The following TTLL4 variants were observed in gnomAD, a reference collection of about 807,000 sequenced individuals.
TTLL4 encodes tubulin monoglutamylase TTLL4.
Under a neutral mutation model 122.7 loss-of-function variants are expected in TTLL4, and 85 were observed. The ratio of observed to expected loss-of-function variants is 0.69; its 90% CI spans 0.58 to 0.83. The LOEUF (loss-of-function observed/expected upper bound fraction) is 0.83, where lower values mean the gene tolerates loss of function less well. Among genes scored for constraint, TTLL4 ranks in the 40% least tolerant of loss-of-function variants. The pLI, the probability that TTLL4 is intolerant of heterozygous loss-of-function variation, is 0.00. For missense variants in TTLL4, 1,363 were observed against 1,488.6 expected (o/e 0.92, Z 1.39); for synonymous variants, 553 against 563.0 (o/e 0.98, Z 0.25).
chr2:218,747,455 G>GTTCTCCCA lies in TTLL4; in HGVS notation c.2249+84_2249+91dup, dbSNP rs1942876670. 6.3e-7 allele frequency: 1 copy of GTTCTCCCA among 1,575,742 alleles called. No homozygotes were observed. The highest frequency in any genetic ancestry group is 1.8e-5 in the Admixed American group (1 of 55,822). On this transcript the variant is annotated intron_variant, in intron 10 of 19. Transcript: ENST00000392102. This position sits in a 1 kb window ranked among gnomAD's most constrained non-coding sequence, Gnocchi z 4.7. Reference sequence around the variant, plus strand: ...CCCTTCTTACAATGTTCTGCCCTTTGTTCTCCCAGCCAAAGAGCTTCCTTA... The same window carrying GTTCTCCCA: ...CCCTTCTTACAATGTTCTGCCCTTTGTTCTCCCATTCTCCCAGCCAAAGAGCTTCCTTA...
Position 218,738,694 on chromosome 2 carries a change from G to T in TTLL4, c.1018G>T (p.Val340Leu), listed in dbSNP as rs143880351. 19 of 1,614,122 alleles carry T rather than the reference G, an allele frequency of 1.2e-5. No homozygotes were observed. In the African/African-American group the frequency reaches 2.4e-4, roughly 20 times the overall value. The part of the protein sequence containing the change: ...PTKEIRFTEA[V>L]RKLTARGFEK... ...TAAGGAGATTCGGTTCACTGAGGCC[G>T]TGAGGAAATTGACCGCAAGAGGCTT... The change falls in exon 3 of 20, where the codon GTG becomes TTG. Residue 340 changes from valine to leucine, a missense_variant. By Grantham distance (32) the Val-to-Leu change is conservative. Transcript: ENST00000392102.
intron 1 of TTLL4, among the ~76,000 whole-genome samples, chr2:218,725,819 G>T (rs572187912): frequency 2.6e-5 from 4 of 152,176 alleles, no homozygotes; most frequent in South Asian, 4.1e-4. Context: ...GCCTCCCAAG[G>T]TGCTGGGATT....
At chr2:218,725,397 T>G (rs112383945) in intron 1 of TTLL4, among the ~76,000 whole-genome samples, 50 of 146,794 alleles carry the variant, frequency 3.4e-4, no homozygotes, top group African/African-American at 1.0e-3. Context: ...TTTTTTATGG[T>G]TTTTTTTTTG....
chr2:218,753,655 G>A lies in TTLL4; in HGVS notation c.3330G>A (p.Glu1110=). 6.2e-7 allele frequency: 1 copy of A among 1,614,168 alleles called. No individual in the cohort carries two copies. Among genetic ancestry groups the A allele is most frequent in the Non-Finnish European group, 8.5e-7 (1 of 1,180,048 alleles). ...TACTCAATGCCTTCAGCAAATCAGAGACTAGCAAGCTGGGGTGAGTGCTGC... is the reference window on the plus strand; with the variant it reads ...TACTCAATGCCTTCAGCAAATCAGAAACTAGCAAGCTGGGGTGAGTGCTGC... ...DVILNAFSKS[E]TSKLGKQSSC... Residue 1110 remains glutamate, a synonymous_variant, in exon 19 of 20, where the codon GAG becomes GAA. Transcript: ENST00000392102.
intron 5 of TTLL4, among the ~76,000 whole-genome samples, chr2:218,742,646 T>C (rs1296082684): frequency 6.6e-6 from 1 of 151,994 alleles, no homozygotes; most frequent in African/African-American, 2.4e-5. Flanking sequence ...CTCACAAGGG[T>C]TTTTTGTTTG....
At position 218,746,316 on chromosome 2, in the gene TTLL4, C is replaced by T. The variant is rs528746592; in HGVS notation, c.1974+85C>T. On this transcript the variant is annotated intron_variant, in intron 8 of 19. Coordinates refer to ENST00000392102, the MANE Select transcript of TTLL4 (RefSeq NM_014640.5). ...GATGATGTGAGTAGGGGGTAGGGGG[C>T]GGGAAGAGGATGATGACCATGGAGA... 167 of 1,408,006 alleles carry T rather than the reference C, an allele frequency of 1.2e-4. No individual in the cohort carries two copies. The African/African-American group carries it at 2.0e-3, about 17-fold the overall frequency. The allele number at this position is 1,408,006 out of a possible 1,614,324, so 87.2% of individuals were successfully genotyped here. A position where few individuals can be genotyped will look rare whatever the true frequency, so the allele number is the denominator to read the frequency against.
chr2:218,752,713 CT>C (rs1465458157), intron 16 of TTLL4, 49 bp from the exon 17 acceptor site: 1 of 1,601,844 alleles, frequency 6.2e-7, no homozygotes, highest in East Asian at 2.2e-5. Flanking sequence ...GTCTCTGCCC[CT>C]GGCTTACACT....
chr2:218,754,319 A>C lies in TTLL4; in HGVS notation c.3530A>C (p.Gln1177Pro). The C allele has an allele frequency of 6.2e-7, 1 of 1,614,202 alleles. No homozygotes were observed. Among genetic ancestry groups the C allele is most frequent in the South Asian group, 1.1e-5 (1 of 91,084 alleles). ...TTACCTGTGATCAAGTGCTCTGGGC[A>C]GACTTCAAGACTTTCTGCTTCCTCC... ...QTLPVIKCSG[Q>P]TSRLSASSTF... is the part of the protein sequence containing the mutation. Residue 1177 changes from glutamine to proline, a missense_variant, in exon 20 of 20, where the codon CAG becomes CCG. This residue lies in a region of TTLL4 where 596 missense variants were observed against 655.8 expected (regional missense o/e 0.91). Transcript: ENST00000392102.
Position 218,751,317 on chromosome 2 carries a change from G to A in TTLL4, c.2874-387G>A, listed in dbSNP as rs530490770. Reference sequence around the variant, plus strand: ...GATTATGGTAATTGTAGTAATGTGGGTGATGAAACTGAGGTGAAGGGAGGT... The same window carrying A: ...GATTATGGTAATTGTAGTAATGTGGATGATGAAACTGAGGTGAAGGGAGGT... On this transcript the variant is annotated intron_variant, in intron 15 of 19. Transcript: ENST00000392102. Among the ~76,000 whole-genome samples, 3 of 152,266 alleles carry A rather than the reference G, an allele frequency of 2.0e-5. No individual in the cohort carries two copies. The South Asian group carries it at 6.2e-4, about 32-fold the overall frequency.
At chr2:218,754,005 T>C (rs1009298990) in intron 19 of TTLL4, 129 bp from the exon 20 acceptor site, 17 of 1,343,026 alleles carry the variant, frequency 1.3e-5, no homozygotes, top group Non-Finnish European at 1.7e-5. Flanking sequence ...GGTTATTACA[T>C]TTCCATGTAA....
chr2:218,725,544 A>G lies in TTLL4; in HGVS notation c.-177-1725A>G, dbSNP rs539689292. On this transcript the variant is annotated intron_variant, in intron 1 of 19. Coordinates refer to ENST00000392102, the MANE Select transcript of TTLL4 (RefSeq NM_014640.5). ...GTTTTAACTATTTGTGTCTCAATTT[A>G]CATATTTTTTATATTGCCTTTTTTT... Among the ~76,000 whole-genome samples, 381 of 152,122 alleles carry G rather than the reference A, an allele frequency of 2.5e-3. 2 individuals are homozygous for G. Among genetic ancestry groups the G allele is most frequent in the African/African-American group, 8.6e-3 (358 of 41,476 alleles).
chr2:218,748,616 C>T, intron 12 of TTLL4: 1 of 451,948 alleles, frequency 2.2e-6, no homozygotes, highest in Non-Finnish European at 3.8e-6. Context: ...GATCGCGCCA[C>T]TTCACTCCAG....
chr2:218,734,831 T>A (rs1378939406), intron 2 of TTLL4, among the ~76,000 whole-genome samples: 1 of 152,212 alleles, frequency 6.6e-6, no homozygotes, highest in Admixed American at 6.5e-5. Flanking sequence ...GCTTGTAGTC[T>A]CGTAAAGTGA....
intron 2 of TTLL4, among the ~76,000 whole-genome samples, chr2:218,729,766 A>AC (rs59851076): frequency 0.064 from 9,302 of 145,408 alleles, 464 homozygotes; most frequent in Non-Finnish European, 0.09. Context: ...AAAAAAACAA[A>AC]AAAAAAAAAA....
rs1251315187 is a variant in TTLL4, at chr2:218,754,344, C to T, written c.3555C>T (p.Ser1185=). The T allele has an allele frequency of 1.2e-6, 2 of 1,614,090 alleles. No homozygotes were observed. Among genetic ancestry groups the T allele is most frequent in the Admixed American group, 1.7e-5 (1 of 60,012 alleles). Residue 1185 remains serine, a synonymous_variant, in exon 20 of 20, where the codon TCC becomes TCT. Transcript: ENST00000392102. ...AGACTTCAAGACTTTCTGCTTCCTC[C>T]ACTTTCCAGTCAATCAGTGACTCCC... The part of the protein sequence containing the change: ...SGQTSRLSAS[S]TFQSISDSLL...
chr2:218,745,605 G>A (rs1942819749), intron 6 of TTLL4, 86 bp from the exon 7 acceptor site: 3 of 917,942 alleles, frequency 3.3e-6, no homozygotes, highest in Non-Finnish European at 1.7e-6. Context: ...GGAAGAATGG[G>A]CAGCCATGCC....
chr2:218,740,506 TCTTC>T lies in TTLL4; in HGVS notation c.1598-8_1598-5del. Reference sequence around the variant, plus strand: ...CCTCTTCTAGTCAGAATTTCTCTGTTCTTCCTTCCTCTAGGAGACTCAGAGTGCT... The same window carrying T: ...CCTCTTCTAGTCAGAATTTCTCTGTTCTTCCTCTAGGAGACTCAGAGTGCT... On this transcript the variant is annotated splice_polypyrimidine_tract_variant and intron_variant, in intron 4 of 19. Coordinates refer to ENST00000392102, the MANE Select transcript of TTLL4 (RefSeq NM_014640.5). 6.2e-7 allele frequency: 1 copy of T among 1,614,068 alleles called. No individual in the cohort carries two copies. Among genetic ancestry groups the T allele is most frequent in the East Asian group, 2.2e-5 (1 of 44,888 alleles).
chr2:218,722,271 G>T (rs141315487), intron 1 of TTLL4, among the ~76,000 whole-genome samples: 337 of 151,264 alleles, frequency 2.2e-3, no homozygotes, highest in Non-Finnish European at 3.7e-3. Flanking sequence ...AAAATTGTAG[G>T]AAAAGGTATA....
chr2:218,732,406 A>G (rs1290051254), intron 2 of TTLL4, among the ~76,000 whole-genome samples: 9 of 152,184 alleles, frequency 5.9e-5, no homozygotes, highest in Admixed American at 5.9e-4. Context: ...CATATACACA[A>G]AGTGTGCATT....
Sources: allele counts gnomAD v4.1 joint callset (sites outside exome capture counted in the v4.1 genomes callset), GRCh38; gene constraint gnomAD v4.1.1; regional missense constraint gnomAD v4.1.1; non-coding constraint Gnocchi (gnomAD v3.1); transcripts MANE v1.5; gene names NCBI Gene and HGNC (gene_info 2026-07-23, HGNC 2026-07-21).